PPFIA2: variants seen among roughly 807,000 people sequenced by gnomAD.
PPFIA2 encodes the protein liprin-alpha-2.
A neutral mutation model predicts 175.5 loss-of-function variants in PPFIA2; 46 were observed. That is an observed-to-expected ratio of 0.26 (90% CI 0.21 to 0.34). The LOEUF (loss-of-function observed/expected upper bound fraction) is 0.34. PPFIA2 is among the 10% of genes least tolerant of loss of function. The pLI is 1.00. For missense variants in PPFIA2, 1,179 were observed against 1,506.1 expected (o/e 0.78, Z 3.60); for synonymous variants, 568 against 511.4 (o/e 1.11, Z -1.49).
intron 3 of PPFIA2, among the ~76,000 whole-genome samples, chr12:81,722,013 C>T (rs1446670252): frequency 1.3e-5 from 2 of 150,696 alleles, no homozygotes; most frequent in South Asian, 4.2e-4. Context: ...TGGTGTAGGA[C>T]ATTAGTTTAG....
At chr12:81,559,601 T>A (rs905049742) in intron 4 of PPFIA2, among the ~76,000 whole-genome samples, 1 of 152,200 alleles carries the variant, frequency 6.6e-6, no homozygotes, top group Non-Finnish European at 1.5e-5. Context: ...AGACTCTTTT[T>A]CTTAGAAACT....
At chr12:81,703,772 A>G (rs2153604394) in intron 3 of PPFIA2, among the ~76,000 whole-genome samples, 1 of 152,206 alleles carries the variant, frequency 6.6e-6, no homozygotes, top group South Asian at 2.1e-4. Context: ...TGCACCGAGC[A>G]TCTTCCTAAT....
At chr12:81,679,761 G>C (rs2073259930) in intron 3 of PPFIA2, among the ~76,000 whole-genome samples, 1 of 151,886 alleles carries the variant, frequency 6.6e-6, no homozygotes, top group African/African-American at 2.4e-5. Flanking sequence ...AAGTTGAAAA[G>C]GAGTGTCCTA....
intron 4 of PPFIA2, among the ~76,000 whole-genome samples, chr12:81,509,582 A>G (rs1306171673): frequency 6.7e-6 from 1 of 149,148 alleles, no homozygotes; most frequent in African/African-American, 2.5e-5. Flanking sequence ...TTGCTTCTGA[A>G]CCTGCTCACT....
chr12:81,321,925 C>G (rs2053744792), intron 22 of PPFIA2, among the ~76,000 whole-genome samples: 1 of 152,190 alleles, frequency 6.6e-6, no homozygotes, highest in Admixed American at 6.5e-5. Flanking sequence ...ACCCCGAATT[C>G]ATAGGCTCAA....
At chr12:81,338,851 T>C (rs903691908) in intron 21 of PPFIA2, among the ~76,000 whole-genome samples, 24 of 152,210 alleles carry the variant, frequency 1.6e-4, no homozygotes, top group African/African-American at 5.3e-4. Context: ...GAAGACATTA[T>C]TTACTCATTA....
At chr12:81,687,715 T>C (rs1191575602) in intron 3 of PPFIA2, among the ~76,000 whole-genome samples, 7 of 152,124 alleles carry the variant, frequency 4.6e-5, no homozygotes, top group Middle Eastern at 6.8e-3. Context: ...AGAAAATAAA[T>C]CAATCTATGT....
At chr12:81,290,832 C>G (rs1188001663) in intron 24 of PPFIA2, among the ~76,000 whole-genome samples, 1 of 151,724 alleles carries the variant, frequency 6.6e-6, no homozygotes, top group African/African-American at 2.4e-5. Flanking sequence ...GTTTATGCAA[C>G]AACATAATTA....
chr12:81,581,246 G>A (rs949447462), intron 4 of PPFIA2, among the ~76,000 whole-genome samples: 3 of 151,548 alleles, frequency 2.0e-5, no homozygotes, highest in African/African-American at 7.3e-5. Context: ...GTTGGGACAG[G>A]GGTTGAGCAA....
At chr12:81,644,945 A>AGTGTTAAAACTGAATAG (rs11271299) in intron 4 of PPFIA2, among the ~76,000 whole-genome samples, 139,403 of 152,034 alleles carry the variant, frequency 0.92, 64,098 homozygotes, top group East Asian at 1. Context: ...TTAAAAGTTC[A>AGTGTTAAAACTGAATAG]GAAAATGCAT....
chr12:81,647,970 T>G (rs1432318261), intron 4 of PPFIA2, among the ~76,000 whole-genome samples: 1 of 146,662 alleles, frequency 6.8e-6, no homozygotes, highest in African/African-American at 2.5e-5. Flanking sequence ...CATTGAAAGC[T>G]AGAAGACAAG....
At chr12:81,419,410 T>C (rs918243587) in intron 7 of PPFIA2, among the ~76,000 whole-genome samples, 1 of 152,130 alleles carries the variant, frequency 6.6e-6, no homozygotes, top group Admixed American at 6.6e-5. Context: ...AGTGTTATTA[T>C]TGTTGTTTTT....
chr12:81,724,148 G>T lies in PPFIA2; in HGVS notation c.249+29825C>A, dbSNP rs78288172. The stretch of plus-strand genomic sequence containing the variant: ...AAGAAACAATGTTAGAGGATTTATA[G>T]GATATCTTCTTTTAAAAGGCCATAT... On this transcript the variant is annotated intron_variant, in intron 3 of 32. Coordinates refer to ENST00000549396, the MANE Select transcript of PPFIA2 (RefSeq NM_003625.5). 2.5e-3 allele frequency among the ~76,000 whole-genome samples: 370 copies of T among 150,902 alleles called. 2 individuals are homozygous for T. Among genetic ancestry groups the T allele is most frequent in the African/African-American group, 8.6e-3 (354 of 41,364 alleles).
chr12:81,658,857 A>T (rs1425703331), intron 4 of PPFIA2, among the ~76,000 whole-genome samples: 1 of 152,190 alleles, frequency 6.6e-6, no homozygotes, highest in African/African-American at 2.4e-5. Context: ...TATGGTTAAA[A>T]TGATATTTCC....
intron 22 of PPFIA2, chr12:81,312,145 T>C (rs1256678830): frequency 1.3e-6 from 2 of 1,534,682 alleles, no homozygotes; most frequent in South Asian, 1.2e-5. Flanking sequence ...CAGCAGCCAT[T>C]GTGATTCAAC....
chr12:81,562,605 T>G (rs1342633141), intron 4 of PPFIA2, among the ~76,000 whole-genome samples: 2 of 151,812 alleles, frequency 1.3e-5, no homozygotes, highest in African/African-American at 4.8e-5. Flanking sequence ...CCCAGCACTT[T>G]GGGAGGCCGA....
chr12:81,388,620 G>A (rs76214640), intron 8 of PPFIA2, among the ~76,000 whole-genome samples: 1 of 151,986 alleles, frequency 6.6e-6, no homozygotes, highest in Non-Finnish European at 1.5e-5. Context: ...TGACAGAATT[G>A]TGCACTTAAA....
At chr12:81,629,181 T>C (rs901646280) in intron 4 of PPFIA2, among the ~76,000 whole-genome samples, 2 of 152,132 alleles carry the variant, frequency 1.3e-5, no homozygotes, top group African/African-American at 4.8e-5. Flanking sequence ...ATATATAATA[T>C]GAATTTTTTA....
intron 4 of PPFIA2, among the ~76,000 whole-genome samples, chr12:81,508,093 G>A (rs778983213): frequency 1.3e-5 from 2 of 151,948 alleles, no homozygotes; most frequent in Non-Finnish European, 1.5e-5. Context: ...TTCAGGGTGG[G>A]GCATTAACTT....
Sources: allele counts gnomAD v4.1 joint callset (sites outside exome capture counted in the v4.1 genomes callset), GRCh38; gene constraint gnomAD v4.1.1; transcripts MANE v1.5; gene names NCBI Gene and HGNC (gene_info 2026-07-23, HGNC 2026-07-21).